The following MUC6 variants were observed in gnomAD, a reference collection of about 807,000 sequenced individuals.
The protein encoded by MUC6 is mucin-6.
MUC6 carries 188 observed loss-of-function variants against 201.5 expected under a neutral mutation model. The ratio of observed to expected loss-of-function variants is 0.93; its 90% CI spans 0.83 to 1.05. The LOEUF (loss-of-function observed/expected upper bound fraction) is 1.05. MUC6 is among the 50% of genes least tolerant of loss of function. The pLI is 0.00. For synonymous variants in MUC6, 1,228 were observed against 1,389.4 expected (o/e 0.88, Z 2.58); for missense variants, 2,706 against 3,256.9 (o/e 0.83, Z 4.12).
chr11:1,032,959 C>T (rs1857143713), intron 2 of MUC6, 54 bp downstream of exon 2: 2 of 1,514,568 alleles, frequency 1.3e-6, no homozygotes, highest in Non-Finnish European at 8.9e-7. Flanking sequence ...CTCTCTCCTG[C>T]ACACCGGGCC....
chr11:1,029,763 C>T (rs913558242), intron 8 of MUC6, 148 bp from the exon 9 acceptor site: 6 of 1,161,148 alleles, frequency 5.2e-6, no homozygotes, highest in Non-Finnish European at 7.0e-6. Flanking sequence ...TCCAGCCTGG[C>T]TCCAGGGAGA....
rs1856977637 is a variant in MUC6 at position 1,027,061 on chromosome 11, G to GA, written c.2285-12dup. 1.0e-5 allele frequency: 16 copies of GA among 1,604,764 alleles called. No individual in the cohort carries two copies. The highest frequency in any genetic ancestry group is 1.4e-5 in the Non-Finnish European group (16 of 1,176,432). ...GGGCCTGGCAGGAGGCTGCAGGAAA[G>GA]AGGGGTGCGCGGTCAGGACACTCAG... On this transcript the variant is annotated splice_polypyrimidine_tract_variant and intron_variant, in intron 18 of 32. Transcript: ENST00000421673.
chr11:1,026,340 C>CA lies in MUC6; in HGVS notation c.2532dup (p.Asp845Ter), dbSNP rs1336049346. The CA allele has an allele frequency of 6.3e-7, 1 of 1,584,742 alleles. No individual in the cohort carries two copies. Among genetic ancestry groups the CA allele is most frequent in the Non-Finnish European group, 8.6e-7 (1 of 1,165,640 alleles). On this transcript the variant is annotated frameshift_variant, in exon 20 of 33. Coordinates refer to ENST00000421673, the MANE Select transcript of MUC6 (RefSeq NM_005961.3). LOFTEE classifies it high-confidence loss of function. ...GCTTTGTCTCACCAGGTCCTGCAGT[C>CA]AGTGTGGAGCTCAGCTCCTCCAGGG...
chr11:1,027,893 T>C, intron 15 of MUC6, 72 bp downstream of exon 15: 1 of 1,571,686 alleles, frequency 6.4e-7, no homozygotes, highest in East Asian at 2.3e-5. Context: ...ACCTATGCCC[T>C]TGGGTGCCTG....
rs746923262 is a variant in MUC6 at position 1,028,380 on chromosome 11, G to A, written c.1599C>T (p.Cys533=). 31 of 1,612,006 alleles carry A rather than the reference G, an allele frequency of 1.9e-5. 1 individual carries two copies. The South Asian group carries it at 2.3e-4, about 12-fold the overall frequency. The part of the protein sequence containing the change: ...PQFRGQTRGL[C]GNFNGDTTDD... The stretch of plus-strand genomic sequence containing the variant: ...CCGTTGTGTCCCCGTTGAAGTTGCC[G>A]CAGAGCCCTGAGCCGGCGGGGCGTG... The change falls in exon 14 of 33, where the codon TGC becomes TGT. Residue 533 remains cysteine, a synonymous_variant. Coordinates refer to ENST00000421673, the MANE Select transcript of MUC6 (RefSeq NM_005961.3).
chr11:1,031,075 GTCAGCACCGTGGGGGCTGGGCCTCAGA>G lies in MUC6; in HGVS notation c.575-46_575-20del, dbSNP rs1857090724. The G allele has an allele frequency of 6.4e-7, 1 of 1,553,074 alleles. No homozygotes were observed. Among genetic ancestry groups the G allele is most frequent in the East Asian group, 2.4e-5 (1 of 41,494 alleles). ...AACTTGCCTGGGGTGCAGAATGGGG[GTCAGCACCGTGGGGGCTGGGCCTCAGA>G]GGCCCCCCTGCCCTGCCCCCCACCT... is the stretch of plus-strand genomic sequence containing the variant. On this transcript the variant is annotated intron_variant, in intron 5 of 32. Transcript: ENST00000421673.
chr11:1,020,072 C>T lies in MUC6; in HGVS notation c.3808+18G>A. On this transcript the variant is annotated intron_variant, in intron 29 of 32. Coordinates refer to ENST00000421673, the MANE Select transcript of MUC6 (RefSeq NM_005961.3). ...CCTGCAGCTGCCCTCTCCATGGGCTCAGCTGGAGGCTCCTTACCTCCCGAG... is the reference window on the plus strand; with the variant it reads ...CCTGCAGCTGCCCTCTCCATGGGCTTAGCTGGAGGCTCCTTACCTCCCGAG... 6.2e-7 allele frequency: 1 copy of T among 1,612,308 alleles called. No homozygotes were observed.
rs1192882004 is a variant in MUC6 at position 1,016,401 on chromosome 11, T to C, written c.6400A>G (p.Ser2134Gly). 1 of 1,613,370 alleles carries C rather than the reference T, an allele frequency of 6.2e-7. No individual in the cohort carries two copies. Among genetic ancestry groups the C allele is most frequent in the East Asian group, 2.2e-5 (1 of 44,874 alleles). ...TNQLSSSFSP[S>G]PSAPSTVSSY... ...GAAACAGTAGAGGGGGCAGAAGGAC[T>C]GGGAGAAAATGAGGAGGACAGCTGA... is the stretch of plus-strand genomic sequence containing the variant. The change falls in exon 31 of 33, where the codon AGT (serine) becomes GGT (glycine). Residue 2134 changes from serine (S) to glycine (G), a missense_variant. Ser to Gly is a moderately conservative substitution (Grantham distance 56). Transcript: ENST00000421673.
rs1856926419 is a variant in MUC6 at position 1,025,223 on chromosome 11, T to C, written c.2944A>G (p.Arg982Gly). Residue 982 changes from arginine to glycine, a missense_variant, in exon 23 of 33, where the codon AGG becomes GGG. Physicochemically the swap from Arg to Gly is moderately radical, Grantham distance 125. This residue lies in a region of MUC6 where 1,850 missense variants were observed against 1,958.3 expected (regional missense o/e 0.94). Coordinates refer to ENST00000421673, the MANE Select transcript of MUC6 (RefSeq NM_005961.3). ...ATCCTGATGAGGATGGTCATGTGCC[T>C]GTTCCAGATGAGCGTCAGGTTGTAC... ...GRYNLTLIWN[R>G]HMTILIRIAR... 3 of 1,612,668 alleles carry C rather than the reference T, an allele frequency of 1.9e-6. No individual in the cohort carries two copies. The highest frequency in any genetic ancestry group is 2.5e-6 in the Non-Finnish European group (3 of 1,179,828).
rs1857165322 is a variant in MUC6 at position 1,033,974 on chromosome 11, A to G, written c.53-899T>C. 1.3e-5 allele frequency among the ~76,000 whole-genome samples: 2 copies of G among 151,950 alleles called. No homozygotes were observed. Among genetic ancestry groups the G allele is most frequent in the African/African-American group, 4.8e-5 (2 of 41,366 alleles). ...ACCTCCTTCCAGATGTAGCTCAGAGATCCCATTCCTGCCACTCCTCACCTG... is the reference window on the plus strand; with the variant it reads ...ACCTCCTTCCAGATGTAGCTCAGAGGTCCCATTCCTGCCACTCCTCACCTG... On this transcript the variant is annotated intron_variant, in intron 1 of 32. Transcript: ENST00000421673. The surrounding 1 kb of genome is among the most constrained non-coding windows in gnomAD (Gnocchi z 5.6).
intron 32 of MUC6, 39 bp from the exon 33 acceptor site, chr11:1,013,672 G>C (rs1396208149): frequency 1.3e-6 from 2 of 1,536,678 alleles, no homozygotes; most frequent in South Asian, 2.4e-5. Context: ...CATGACTGCT[G>C]CAGGGGCATA....
intron 4 of MUC6, 110 bp from the exon 5 acceptor site, chr11:1,031,369 T>C: frequency 8.5e-7 from 1 of 1,180,984 alleles, no homozygotes; most frequent in South Asian, 1.5e-5. Context: ...TCCCCCCACC[T>C]GCTCATCTGC....
At position 1,027,546 on chromosome 11, in the gene MUC6, C is replaced by T. The variant is rs199597302; in HGVS notation, c.1982-29G>A. ...TGGGGGACCCGGGCATCAGACTCTCCGGGAGGGGGCGGCCGGGAGGGCAAT... is the reference window on the plus strand; with the variant it reads ...TGGGGGACCCGGGCATCAGACTCTCTGGGAGGGGGCGGCCGGGAGGGCAAT... On this transcript the variant is annotated intron_variant, in intron 16 of 32. Transcript: ENST00000421673. The T allele has an allele frequency of 1.3e-4, 213 of 1,608,124 alleles. No individual in the cohort carries two copies. The African/African-American group carries it at 1.7e-3, about 13-fold the overall frequency.
chr11:1,013,751 A>G, intron 32 of MUC6, 118 bp from the exon 33 acceptor site: 1 of 1,389,520 alleles, frequency 7.2e-7, no homozygotes, highest in Non-Finnish European at 9.8e-7. Flanking sequence ...CCCGGCTCAC[A>G]GGGGCCAGGG....
Position 1,029,328 on chromosome 11 carries a change from G to C in MUC6, c.1175C>G (p.Pro392Arg). ...TTCCAGGGAGCAGTGTCCGGGGCAC[G>C]GCCGCTCCGTGCACACCCAGCGGCC... ...TLGRWVCTER[P>R]CPGHCSLEGG... The change falls in exon 10 of 33, where the codon CCG becomes CGG. Residue 392 changes from proline (P) to arginine (R), a missense_variant. Coordinates refer to ENST00000421673, the MANE Select transcript of MUC6 (RefSeq NM_005961.3). The C allele has an allele frequency of 1.2e-6, 2 of 1,604,488 alleles. No homozygotes were observed. The highest frequency in any genetic ancestry group is 4.5e-5 in the East Asian group (2 of 44,558).
Position 1,030,553 on chromosome 11 carries a change from T to C in MUC6, c.892+20A>G. ...AGCCCTCGGCCTTCCTGCCCCTCCC[T>C]CTCCCTTCCCTGGACTCACAGCACA... On this transcript the variant is annotated intron_variant, in intron 7 of 32. Coordinates refer to ENST00000421673, the MANE Select transcript of MUC6 (RefSeq NM_005961.3). 6.8e-7 allele frequency: 1 copy of C among 1,476,808 alleles called. No individual in the cohort carries two copies. Among genetic ancestry groups the C allele is most frequent in the Non-Finnish European group, 9.0e-7 (1 of 1,113,180 alleles). The allele number at this position is 1,476,808 out of a possible 1,614,324, so 91.5% of individuals were successfully genotyped here.
chr11:1,013,906 C>T lies in MUC6; in HGVS notation c.7135G>A (p.Ala2379Thr), dbSNP rs774876589. Residue 2379 changes from alanine to threonine, a missense_variant, in exon 32 of 33, where the codon GCT becomes ACT. Transcript: ENST00000421673. ...VTRCEGACIS[A>T]ASFNIITQQV... ...TCCCACCTGTGGACTCACCTGGCAGCGGAAATGCAGGCGCCCTCACAGCGG... is the reference window on the plus strand; with the variant it reads ...TCCCACCTGTGGACTCACCTGGCAGTGGAAATGCAGGCGCCCTCACAGCGG... 1.6e-5 allele frequency: 25 copies of T among 1,604,094 alleles called. No homozygotes were observed. The highest frequency in any genetic ancestry group is 2.2e-5 in the East Asian group (1 of 44,452).
In MUC6 at chr11:1,031,743, A is replaced by G; in HGVS notation, c.357-10T>C. The G allele has an allele frequency of 6.5e-7, 1 of 1,549,872 alleles. No individual in the cohort carries two copies. Among genetic ancestry groups the G allele is most frequent in the Non-Finnish European group, 8.7e-7 (1 of 1,146,382 alleles). On this transcript the variant is annotated splice_polypyrimidine_tract_variant and intron_variant, in intron 3 of 32. Transcript: ENST00000421673. ...GGGCAGGCTGATGACCCTGTGGGGC[A>G]AGGGAAGTCGGTGGTCGATCCTCAG...
intron 30 of MUC6, 125 bp from the exon 31 acceptor site, chr11:1,018,895 G>A (rs1856745628): frequency 7.8e-7 from 1 of 1,274,128 alleles, no homozygotes; most frequent in Non-Finnish European, 1.1e-6. Flanking sequence ...CTGTGACATG[G>A]CCCCTGCTGG....
Sources: gnomAD v4.1 joint callset for allele counts (sites outside exome capture counted in the v4.1 genomes callset) on GRCh38, gnomAD v4.1.1 for gene constraint, gnomAD v4.1.1 regional missense constraint, Gnocchi (gnomAD v3.1) non-coding constraint, MANE v1.5 for transcripts, NCBI Gene and HGNC (gene_info 2026-07-23, HGNC 2026-07-21) for gene names.